EPB41L4A: variants seen among roughly 807,000 people sequenced by gnomAD.
EPB41L4A encodes the protein band 4.1-like protein 4A.
A neutral mutation model predicts 108.6 loss-of-function variants in EPB41L4A; 100 were observed. The ratio of observed to expected loss-of-function variants is 0.92; its 90% confidence interval spans 0.78 to 1.09. EPB41L4A has a LOEUF of 1.09. Among genes scored for constraint, EPB41L4A ranks in the 50% least tolerant of loss-of-function variants. The pLI, the probability that EPB41L4A is intolerant of heterozygous loss-of-function variation, is 0.00. For synonymous variants in EPB41L4A, 319 were observed against 289.0 expected, an observed-to-expected ratio of 1.10 and a Z score of -1.05; for missense variants, 1,030 against 842.7, an observed-to-expected ratio of 1.22 and a Z score of -2.75.
At position 112,333,647 on chromosome 5, in the gene EPB41L4A, G is replaced by A. The variant is rs375392855; in HGVS notation, c.100-26157C>T. On this transcript the variant is annotated intron_variant, in intron 1 of 22. Coordinates refer to ENST00000261486, the MANE Select transcript of EPB41L4A (RefSeq NM_022140.5). ...ACTCTCTCCCCTCCACTCACACACC[G>A]TATGAGTTGCAGTCTCTCTCTCTCT... is the stretch of plus-strand genomic sequence containing the variant. Among the ~76,000 whole-genome samples the A allele has an allele frequency of 3.4e-4, 51 of 152,222 alleles. No homozygotes were observed. In the South Asian group the frequency reaches 9.3e-3, roughly 28 times the overall value.
rs186212432 is a variant in EPB41L4A, at chr5:112,183,190, C to T, written c.1622+826G>A. Among the ~76,000 whole-genome samples, 10 of 152,264 alleles carry T rather than the reference C, an allele frequency of 6.6e-5. 1 individual carries two copies. The East Asian group carries it at 1.7e-3, about 27-fold the overall frequency. ...AGCTGTCCTCTTGTCACCCTCCTGC[C>T]TGGCTCCCTCAGAGCTCCCTACCTA... On this transcript the variant is annotated intron_variant, in intron 18 of 22. Coordinates refer to ENST00000261486, the MANE Select transcript of EPB41L4A (RefSeq NM_022140.5).
chr5:112,261,482 T>C (rs72781630), intron 7 of EPB41L4A, among the ~76,000 whole-genome samples: 1 of 152,172 alleles, frequency 6.6e-6, no homozygotes, highest in South Asian at 2.1e-4. Context: ...TTTCCTCAAA[T>C]AAAATTTAAC....
At chr5:112,329,996 A>G (rs1218156728) in intron 1 of EPB41L4A, among the ~76,000 whole-genome samples, 1 of 152,200 alleles carries the variant, frequency 6.6e-6, no homozygotes, top group East Asian at 1.9e-4. Flanking sequence ...ACAAATTAAT[A>G]ATATCTGCCC....
intron 1 of EPB41L4A, among the ~76,000 whole-genome samples, chr5:112,395,197 T>C (rs1387239519): frequency 6.6e-6 from 1 of 152,190 alleles, no homozygotes; most frequent in Non-Finnish European, 1.5e-5. Context: ...AAGGATTTCA[T>C]GTCTAAAACA....
At chr5:112,194,100 C>G (rs1580405316) in intron 17 of EPB41L4A, among the ~76,000 whole-genome samples, 1 of 152,190 alleles carries the variant, frequency 6.6e-6, no homozygotes, top group East Asian at 1.9e-4. Flanking sequence ...TATGGAATGT[C>G]AGGCACACAC....
chr5:112,153,307 C>T (rs147568183), intron 12 of EPB41L4A, among the ~76,000 whole-genome samples: 296 of 152,044 alleles, frequency 1.9e-3, no homozygotes, highest in Middle Eastern at 6.8e-3. Context: ...GGGCGGATCA[C>T]GAGGTCAAGA....
chr5:112,352,223 A>G (rs1448591516), intron 1 of EPB41L4A, among the ~76,000 whole-genome samples: 1 of 152,172 alleles, frequency 6.6e-6, no homozygotes, highest in Non-Finnish European at 1.5e-5. Context: ...ATTAGGTTAT[A>G]TGAAATATTT....
At chr5:112,334,770 C>T (rs1756809372) in intron 1 of EPB41L4A, among the ~76,000 whole-genome samples, 1 of 152,104 alleles carries the variant, frequency 6.6e-6, no homozygotes, top group Non-Finnish European at 1.5e-5. Context: ...TTCTCAGGAC[C>T]TCCTGAGGCT....
chr5:112,417,356 T>A (rs1170207170), intron 1 of EPB41L4A, among the ~76,000 whole-genome samples: 1 of 152,228 alleles, frequency 6.6e-6, no homozygotes, highest in African/African-American at 2.4e-5. Context: ...CAGATGACTT[T>A]AGACTCCAGA....
At chr5:112,238,903 G>A (rs1580501922) in intron 11 of EPB41L4A, among the ~76,000 whole-genome samples, 1 of 152,100 alleles carries the variant, frequency 6.6e-6, no homozygotes, top group African/African-American at 2.4e-5. Context: ...TTTTAATGCT[G>A]GTATCAGAAA....
intron 9 of EPB41L4A, among the ~76,000 whole-genome samples, chr5:112,255,897 C>G (rs1751052617): frequency 6.6e-6 from 1 of 152,138 alleles, no homozygotes; most frequent in Admixed American, 6.6e-5. Context: ...CAAGTCTGCT[C>G]TATCCATAGC....
chr5:112,357,008 C>G (rs1758399794), intron 1 of EPB41L4A, among the ~76,000 whole-genome samples: 1 of 152,112 alleles, frequency 6.6e-6, no homozygotes, highest in African/African-American at 2.4e-5. Context: ...GACTAGGTAA[C>G]CTATAAGATG....
At chr5:112,258,786 T>C (rs939709196) in intron 9 of EPB41L4A, among the ~76,000 whole-genome samples, 2 of 152,198 alleles carry the variant, frequency 1.3e-5, no homozygotes, top group Admixed American at 6.5e-5. Flanking sequence ...CCATCTGGTT[T>C]GTCTATCACA....
intron 1 of EPB41L4A, among the ~76,000 whole-genome samples, chr5:112,352,019 T>A (rs193066368): frequency 6.6e-6 from 1 of 152,338 alleles, no homozygotes; most frequent in African/African-American, 2.4e-5. Flanking sequence ...CGGCCATGTA[T>A]GACAGACCCA....
At chr5:112,243,937 T>C (rs561897285) in intron 9 of EPB41L4A, among the ~76,000 whole-genome samples, 1 of 152,382 alleles carries the variant, frequency 6.6e-6, no homozygotes, top group East Asian at 1.9e-4. Flanking sequence ...ATTATTTTTG[T>C]GTTCACTACA....
rs78419736 is a variant in EPB41L4A at position 112,389,740 on chromosome 5, G to T, written c.99+29201C>A. On this transcript the variant is annotated intron_variant, in intron 1 of 22. Transcript: ENST00000261486. Reference sequence around the variant, plus strand: ...CTTATGGAAGGGTTGCCCAATTCCAGAATTGCAAATAAAGCTAATTGAGAC... The same window carrying T: ...CTTATGGAAGGGTTGCCCAATTCCATAATTGCAAATAAAGCTAATTGAGAC... Among the ~76,000 whole-genome samples, 495 of 152,236 alleles carry T rather than the reference G, an allele frequency of 3.3e-3. 2 individuals carry two copies. Among genetic ancestry groups the T allele is most frequent in the African/African-American group, 0.011 (460 of 41,532 alleles).
At chr5:112,204,677 A>C (rs879682485) in intron 14 of EPB41L4A, 189 bp from the exon 15 acceptor site, 1 of 448,436 alleles carries the variant, frequency 2.2e-6, no homozygotes, top group Non-Finnish European at 4.1e-6. Flanking sequence ...CAAATCATAA[A>C]GGTCATTATT....
At chr5:112,376,861 G>A (rs1759855178) in intron 1 of EPB41L4A, among the ~76,000 whole-genome samples, 1 of 152,124 alleles carries the variant, frequency 6.6e-6, no homozygotes, top group African/African-American at 2.4e-5. Context: ...ATTCTTGGTT[G>A]CCAGAGTTTA....
At chr5:112,305,020 CA>C (rs1175933828) in intron 2 of EPB41L4A, among the ~76,000 whole-genome samples, 2 of 152,070 alleles carry the variant, frequency 1.3e-5, no homozygotes, top group Admixed American at 6.6e-5. Flanking sequence ...TAATTAATTT[CA>C]AAAACACCAG....
Sources: allele counts gnomAD v4.1 joint callset (sites outside exome capture counted in the v4.1 genomes callset), GRCh38; gene constraint gnomAD v4.1.1; transcripts MANE v1.5; gene names NCBI Gene and HGNC (gene_info 2026-07-23, HGNC 2026-07-21).